Variants in VRK1 observed in about 807,000 individuals in gnomAD.
VRK1 encodes serine/threonine-protein kinase VRK1.
VRK1 carries 33 observed loss-of-function variants against 57.1 expected under a neutral mutation model. The ratio of observed to expected loss-of-function variants is 0.58; its 90% CI spans 0.44 to 0.77. The LOEUF is 0.77. VRK1 is among the 30% of genes least tolerant of loss of function. The pLI is 0.00. For synonymous variants in VRK1, 137 were observed against 147.8 expected, an observed-to-expected ratio of 0.93 and a Z score of 0.53; for missense variants, 413 against 477.3, an observed-to-expected ratio of 0.87 and a Z score of 1.25.
At chr14:96,802,745 GT>G (rs1167715966) in intron 1 of VRK1, among the ~76,000 whole-genome samples, 1 of 152,168 alleles carries the variant, frequency 6.6e-6, no homozygotes, top group Non-Finnish European at 1.5e-5. Context: ...TATTGTATTA[GT>G]GTCACTTTCC....
At chr14:96,834,967 A>G (rs986885273) in intron 2 of VRK1, among the ~76,000 whole-genome samples, 4 of 152,194 alleles carry the variant, frequency 2.6e-5, no homozygotes, top group African/African-American at 9.6e-5. Context: ...TCTTCATTTT[A>G]TATTAATTTG....
intron 11 of VRK1, among the ~76,000 whole-genome samples, chr14:96,870,061 C>T (rs550704916): frequency 2.0e-4 from 30 of 152,238 alleles, no homozygotes; most frequent in South Asian, 6.2e-4. Context: ...CCTCAGAAGA[C>T]TTGATTGTGC....
At position 96,881,471 on chromosome 14, in the gene VRK1, A is replaced by C. The variant is rs1036403800; in HGVS notation, c.*263A>C. The C allele has an allele frequency of 8.5e-6, 3 of 352,610 alleles. No homozygotes were observed. Among genetic ancestry groups the C allele is most frequent in the Non-Finnish European group, 1.5e-5 (3 of 196,364 alleles). 21.8% of individuals were successfully genotyped at this position (352,610 alleles called of 1,614,324 possible). A position where few individuals can be genotyped will look rare whatever the true frequency, so the allele number is the denominator to read the frequency against. On this transcript the variant is annotated 3_prime_UTR_variant, in exon 13 of 13. Coordinates refer to ENST00000216639, the MANE Select transcript of VRK1 (RefSeq NM_003384.3). ...GTGTTTGTGATGTTTTGGAGTACAT[A>C]TATATGAAAATTATTATGACACGCA... is the stretch of plus-strand genomic sequence containing the variant.
chr14:96,855,476 G>A, intron 8 of VRK1, 120 bp downstream of exon 8: 3 of 1,484,970 alleles, frequency 2.0e-6, no homozygotes, highest in South Asian at 1.2e-5. Flanking sequence ...AGGCACAGTG[G>A]CATGAGGAAA....
At position 96,856,674 on chromosome 14, in the gene VRK1, G is replaced by GAT. The variant is rs2139805370; in HGVS notation, c.889+89_889+90dup. 1.1e-5 allele frequency: 13 copies of GAT among 1,190,344 alleles called. No individual in the cohort carries two copies. The African/African-American group carries it at 1.5e-4, about 14-fold the overall frequency. The allele number at this position is 1,190,344 out of a possible 1,614,324, so 73.7% of individuals were successfully genotyped here. Reference sequence around the variant, plus strand: ...ATCCATGGAATAGCCCTTAATGTAAGATGTTAGGTGGTGGCCAGGCATGGT... The same window carrying GAT: ...ATCCATGGAATAGCCCTTAATGTAAGATATGTTAGGTGGTGGCCAGGCATGGT... On this transcript the variant is annotated intron_variant, in intron 10 of 12. Coordinates refer to ENST00000216639, the MANE Select transcript of VRK1 (RefSeq NM_003384.3).
At chr14:96,810,854 G>A (rs1886163598) in intron 1 of VRK1, among the ~76,000 whole-genome samples, 1 of 152,008 alleles carries the variant, frequency 6.6e-6, no homozygotes, top group Admixed American at 6.5e-5. Context: ...CAGTTCGAAT[G>A]TGCTATCTAG....
chr14:96,801,514 T>G (rs1474303622), intron 1 of VRK1, among the ~76,000 whole-genome samples: 1 of 152,196 alleles, frequency 6.6e-6, no homozygotes, highest in African/African-American at 2.4e-5. Flanking sequence ...CTATGTAATT[T>G]GGCAACAGCT....
intron 12 of VRK1, among the ~76,000 whole-genome samples, chr14:96,876,590 C>T (rs1046122418): frequency 6.6e-6 from 1 of 152,290 alleles, no homozygotes; most frequent in South Asian, 2.1e-4. Flanking sequence ...TGTCTTTCCA[C>T]TTCCTCACAC....
chr14:96,871,188 A>G (rs1888807224), intron 11 of VRK1, among the ~76,000 whole-genome samples: 1 of 152,226 alleles, frequency 6.6e-6, no homozygotes, highest in Non-Finnish European at 1.5e-5. Context: ...AGTGAAGAAC[A>G]TAGATATTCC....
chr14:96,865,837 T>C (rs1396276830), intron 11 of VRK1, among the ~76,000 whole-genome samples: 2 of 152,076 alleles, frequency 1.3e-5, no homozygotes, highest in African/African-American at 2.4e-5. Context: ...ATGTTTGCTC[T>C]GTTTTTTACT....
At chr14:96,805,669 T>C (rs1177308678) in intron 1 of VRK1, among the ~76,000 whole-genome samples, 1 of 152,222 alleles carries the variant, frequency 6.6e-6, no homozygotes, top group East Asian at 1.9e-4. Flanking sequence ...TAGAAATCAA[T>C]GCATTTCTGT....
chr14:96,800,816 GTAAT>G (rs965711126), intron 1 of VRK1, among the ~76,000 whole-genome samples: 13 of 152,000 alleles, frequency 8.6e-5, no homozygotes, highest in Non-Finnish European at 1.5e-4. Context: ...TTATTGGTAA[GTAAT>G]TCATTAAATG....
rs566211574 is a variant in VRK1, at chr14:96,867,650, A to T, written c.1068+6915A>T. 2.0e-5 allele frequency among the ~76,000 whole-genome samples: 3 copies of T among 151,990 alleles called. No individual in the cohort carries two copies. The East Asian group carries it at 5.8e-4, about 29-fold the overall frequency. ...TCCTTCTCTATTCTGTCCCTCCGGA[A>T]CTCCTACCACATGAATATGGGAACT... is the stretch of plus-strand genomic sequence containing the variant. On this transcript the variant is annotated intron_variant, in intron 11 of 12. Transcript: ENST00000216639.
At position 96,831,850 on chromosome 14, in the gene VRK1, A is replaced by G. The variant is rs147153036; in HGVS notation, c.-5-1617A>G. The stretch of plus-strand genomic sequence containing the variant: ...AAGGGCATCTGTTTTAATATTTGGA[A>G]GTACTATGTGTTTTAGTTGTTTCTT... On this transcript the variant is annotated intron_variant, in intron 1 of 12. Coordinates refer to ENST00000216639, the MANE Select transcript of VRK1 (RefSeq NM_003384.3). Among the ~76,000 whole-genome samples, 398 of 152,304 alleles carry G rather than the reference A, an allele frequency of 2.6e-3. 1 individual carries two copies. Among genetic ancestry groups the G allele is most frequent in the Non-Finnish European group, 5.2e-3 (356 of 68,018 alleles).
At chr14:96,844,775 C>T (rs1320253945) in intron 3 of VRK1, among the ~76,000 whole-genome samples, 1 of 152,160 alleles carries the variant, frequency 6.6e-6, no homozygotes, top group Non-Finnish European at 1.5e-5. Flanking sequence ...CTCCTGACCT[C>T]AAGTGATCCG....
intron 3 of VRK1, among the ~76,000 whole-genome samples, chr14:96,838,377 T>C (rs2139760864): frequency 6.6e-6 from 1 of 152,322 alleles, no homozygotes; most frequent in East Asian, 1.9e-4. Flanking sequence ...GCCAGATCCA[T>C]TTATATGTTG....
intron 12 of VRK1, chr14:96,877,770 C>T: frequency 1.3e-6 from 1 of 756,460 alleles, no homozygotes; most frequent in South Asian, 6.0e-5. Flanking sequence ...ACTGCCTGGA[C>T]ATCATTTGTT....
intron 3 of VRK1, 74 bp from the exon 4 acceptor site, chr14:96,846,021 T>G: frequency 7.4e-7 from 1 of 1,344,856 alleles, no homozygotes; most frequent in Non-Finnish European, 1.1e-6. Context: ...TTTGTTGGTC[T>G]TTTTTGAAGG....
At chr14:96,850,513 A>G (rs1324661932) in intron 5 of VRK1, among the ~76,000 whole-genome samples, 2 of 152,170 alleles carry the variant, frequency 1.3e-5, no homozygotes, top group Non-Finnish European at 2.9e-5. Flanking sequence ...TTGTGGAATC[A>G]TGTTTCAGTT....
Sources: gnomAD v4.1 joint callset for allele counts (sites outside exome capture counted in the v4.1 genomes callset) on GRCh38, gnomAD v4.1.1 for gene constraint, MANE v1.5 for transcripts, NCBI Gene and HGNC (gene_info 2026-07-23, HGNC 2026-07-21) for gene names.